NTM: variants seen among roughly 807,000 people sequenced by gnomAD.
NTM encodes IgLON family member 2.
Under a neutral mutation model 42.1 loss-of-function variants are expected in NTM, and 13 were observed. The observed-to-expected ratio is 0.31, with a 90% CI of 0.20 to 0.49. NTM has a LOEUF of 0.49. NTM is among the 20% of genes least tolerant of loss of function. The pLI, the probability that NTM is intolerant of heterozygous loss-of-function variation, is 0.99. For synonymous variants in NTM, 187 were observed against 179.2 expected, an observed-to-expected ratio of 1.04 and a Z score of -0.35; for missense variants, 373 against 452.8, an observed-to-expected ratio of 0.82 and a Z score of 1.60.
chr11:132,009,724 T>C (rs893222479), intron 2 of NTM, among the ~76,000 whole-genome samples: 2 of 152,228 alleles, frequency 1.3e-5, no homozygotes, highest in African/African-American at 4.8e-5. Flanking sequence ...CCAAATTGCC[T>C]CCCTGTTGAC....
At chr11:132,074,269 G>T (rs1171522685) in intron 2 of NTM, among the ~76,000 whole-genome samples, 1 of 152,174 alleles carries the variant, frequency 6.6e-6, no homozygotes, top group Non-Finnish European at 1.5e-5. Flanking sequence ...GCTTGTGAGG[G>T]ATTTGGCTGA....
chr11:131,845,088 T>C (rs2044738187), intron 1 of NTM, among the ~76,000 whole-genome samples: 1 of 152,202 alleles, frequency 6.6e-6, no homozygotes, highest in Non-Finnish European at 1.5e-5. Flanking sequence ...GCCATATACT[T>C]TTGGTGAATG....
At chr11:131,816,544 CAAGA>C (rs72271840) in intron 1 of NTM, among the ~76,000 whole-genome samples, 13,972 of 75,224 alleles carry the variant, frequency 0.19, 2,142 homozygotes, top group African/African-American at 0.49. Flanking sequence ...AATATTAAAG[CAAGA>C]AAAAAAAAAA....
chr11:132,070,935 C>T (rs1442945032), intron 2 of NTM, among the ~76,000 whole-genome samples: 1 of 141,538 alleles, frequency 7.1e-6, no homozygotes, highest in Non-Finnish European at 1.6e-5. Context: ...CGTCACACAG[C>T]CAAGTTAACA....
At chr11:131,881,397 C>A (rs992330969) in intron 1 of NTM, among the ~76,000 whole-genome samples, 2 of 151,676 alleles carry the variant, frequency 1.3e-5, no homozygotes, top group Non-Finnish European at 1.5e-5. Flanking sequence ...TTTTAATGAT[C>A]GGGGTCATTG....
At chr11:132,018,060 G>C (rs1472924989) in intron 2 of NTM, among the ~76,000 whole-genome samples, 8 of 151,860 alleles carry the variant, frequency 5.3e-5, no homozygotes, top group Non-Finnish European at 1.5e-5. Context: ...TATCACCTGA[G>C]AATAAGGACA....
intron 1 of NTM, among the ~76,000 whole-genome samples, chr11:131,730,623 G>A (rs1189265627): frequency 6.6e-6 from 1 of 151,994 alleles, no homozygotes; most frequent in Non-Finnish European, 1.5e-5. Flanking sequence ...AGAGGCTGAG[G>A]CTGGGGGATT....
intron 2 of NTM, among the ~76,000 whole-genome samples, chr11:132,101,553 A>G (rs2061614507): frequency 1.0e-5 from 1 of 95,346 alleles, no homozygotes; most frequent in Non-Finnish European, 2.1e-5. Flanking sequence ...AAGGAACACA[A>G]CCTTGTGTGT....
At chr11:132,214,399 C>T (rs1361537950) in intron 4 of NTM, among the ~76,000 whole-genome samples, 1 of 151,960 alleles carries the variant, frequency 6.6e-6, no homozygotes, top group Non-Finnish European at 1.5e-5. Context: ...TGTCTCTTCT[C>T]ATTCCCTCAT....
chr11:132,309,072 G>A (rs73028609), intron 5 of NTM, among the ~76,000 whole-genome samples: 81 of 152,316 alleles, frequency 5.3e-4, no homozygotes, highest in Admixed American at 8.5e-4. Context: ...ACTGCTTTTC[G>A]TGGTACTGAG....
chr11:131,680,801 G>GTC (rs2072500934), intron 1 of NTM, among the ~76,000 whole-genome samples: 2 of 1,036 alleles, frequency 1.9e-3, no homozygotes, highest in African/African-American at 4.7e-3. Context: ...GTGTGTGTGT[G>GTC]TGTGTGTGTG....
Position 131,789,499 on chromosome 11 carries a change from AG to A in NTM, c.83-122064del, listed in dbSNP as rs1370224111. 7.5e-4 allele frequency among the ~76,000 whole-genome samples: 6 copies of A among 7,992 alleles called. 2 individuals carry two copies. The highest frequency in any genetic ancestry group is 3.6e-3 in the African/African-American group (6 of 1,660). The allele number at this position is 7,992 out of a possible 152,430, so 5.2% of individuals were successfully genotyped here. On this transcript the variant is annotated intron_variant, in intron 1 of 8. Coordinates refer to ENST00000683400, the MANE Select transcript of NTM (RefSeq NM_001352005.2). ...AGAAGAAGAAGAAGAAGAGGAAAGA[AG>A]AAGAAGAAGAAGAAGAAGAAGAAGA...
intron 1 of NTM, among the ~76,000 whole-genome samples, chr11:131,817,072 G>A (rs913225056): frequency 6.6e-6 from 1 of 152,038 alleles, no homozygotes; most frequent in African/African-American, 2.4e-5. Flanking sequence ...TAAAACCCAG[G>A]GGGCACATGG....
intron 1 of NTM, among the ~76,000 whole-genome samples, chr11:131,899,416 G>C (rs2052785249): frequency 6.6e-6 from 1 of 152,130 alleles, no homozygotes; most frequent in Non-Finnish European, 1.5e-5. Context: ...CCTTCTACAA[G>C]AAGTTGTAAC....
chr11:131,712,634 G>A (rs544714517), intron 1 of NTM, among the ~76,000 whole-genome samples: 9 of 151,444 alleles, frequency 5.9e-5, no homozygotes, highest in Non-Finnish European at 1.3e-4. Flanking sequence ...TTTAAGACAG[G>A]ATCTCACTCT....
intron 4 of NTM, among the ~76,000 whole-genome samples, chr11:132,244,138 C>T (rs1200762024): frequency 6.6e-6 from 1 of 152,200 alleles, no homozygotes; most frequent in Non-Finnish European, 1.5e-5. Context: ...GCCACACCTG[C>T]AGCCAGTGAC....
intron 1 of NTM, among the ~76,000 whole-genome samples, chr11:131,612,358 T>G (rs1045088226): frequency 6.6e-6 from 1 of 152,252 alleles, no homozygotes; most frequent in African/African-American, 2.4e-5. Context: ...ATGGCCTGCT[T>G]TGTTATACAG....
At chr11:131,661,786 A>G (rs1350473936) in intron 1 of NTM, among the ~76,000 whole-genome samples, 7 of 152,178 alleles carry the variant, frequency 4.6e-5, no homozygotes, top group Non-Finnish European at 1.0e-4. Context: ...TGAGTTGCCA[A>G]CAATCCACTG....
chr11:131,589,501 G>A (rs2059175226), intron 1 of NTM, among the ~76,000 whole-genome samples: 1 of 152,182 alleles, frequency 6.6e-6, no homozygotes, highest in Admixed American at 6.5e-5. Context: ...AGCTTCTGCA[G>A]AGGCAAAACA....
Sources: allele counts gnomAD v4.1 joint callset (sites outside exome capture counted in the v4.1 genomes callset), GRCh38; gene constraint gnomAD v4.1.1; transcripts MANE v1.5; gene names NCBI Gene and HGNC (gene_info 2026-07-23, HGNC 2026-07-21).